IGF2BP2: variants seen among roughly 807,000 people sequenced by gnomAD.
IGF2BP2 encodes the protein insulin like growth factor 2 mRNA binding protein 2.
In IGF2BP2, 17 loss-of-function variants were observed where a neutral mutation model predicts 75.8. That is an observed-to-expected ratio of 0.22 (90% CI 0.15 to 0.34). The LOEUF is 0.34. Among genes scored for constraint, IGF2BP2 ranks in the 10% least tolerant of loss-of-function variants. The pLI is 1.00. For synonymous variants in IGF2BP2, 288 were observed against 295.6 expected, an observed-to-expected ratio of 0.97 and a Z score of 0.26; for missense variants, 516 against 772.4, an observed-to-expected ratio of 0.67 and a Z score of 3.93.
At chr3:185,709,858 C>T (rs1228041920) in intron 2 of IGF2BP2, among the ~76,000 whole-genome samples, 2 of 152,130 alleles carry the variant, frequency 1.3e-5, no homozygotes, top group East Asian at 3.9e-4. Context: ...AATCCAAACC[C>T]CCTCTACCCA....
At chr3:185,670,280 T>C (rs1718314250) in intron 10 of IGF2BP2, among the ~76,000 whole-genome samples, 1 of 152,186 alleles carries the variant, frequency 6.6e-6, no homozygotes, top group African/African-American at 2.4e-5. Context: ...TTAGAAAATA[T>C]TCTGCTATTA....
rs1220629803 is a variant in IGF2BP2 at position 185,811,876 on chromosome 3, CT to C, written c.239+11276del. Among the ~76,000 whole-genome samples the C allele has an allele frequency of 5.9e-4, 31 of 52,898 alleles. No individual in the cohort carries two copies. The East Asian group carries it at 7.7e-3, about 13-fold the overall frequency. The allele number at this position is 52,898 out of a possible 152,430, so 34.7% of individuals were successfully genotyped here. On this transcript the variant is annotated intron_variant, in intron 2 of 15. Coordinates refer to ENST00000382199, the MANE Select transcript of IGF2BP2 (RefSeq NM_006548.6). ...TCTCTCTCTCTCTCTCTCTCTCTCT[CT>C]CCCCCTCTCCCTGCCTGGGCATCAG...
intron 2 of IGF2BP2, among the ~76,000 whole-genome samples, chr3:185,752,203 T>C (rs1731058990): frequency 6.6e-6 from 1 of 152,096 alleles, no homozygotes; most frequent in Admixed American, 6.5e-5. Context: ...ACATGTTATG[T>C]CTACTTAGGG....
At chr3:185,701,079 CT>C (rs1723228309) in intron 2 of IGF2BP2, among the ~76,000 whole-genome samples, 1 of 151,964 alleles carries the variant, frequency 6.6e-6, no homozygotes, top group Non-Finnish European at 1.5e-5. Flanking sequence ...TAGCTACTAA[CT>C]TTTTTATATT....
At position 185,643,857 on chromosome 3, in the gene IGF2BP2, G is replaced by A. The variant is rs1325073050; in HGVS notation, c.*1674C>T. On this transcript the variant is annotated 3_prime_UTR_variant, in exon 16 of 16. Coordinates refer to ENST00000382199, the MANE Select transcript of IGF2BP2 (RefSeq NM_006548.6). ...GGCATTGCAGTCTGGTGGTATAATG[G>A]CTTGTCCACATAAACCAGTACATGT... The A allele has an allele frequency of 6.8e-6, 1 of 147,128 alleles. No homozygotes were observed. Among genetic ancestry groups the A allele is most frequent in the Non-Finnish European group, 1.5e-5 (1 of 67,290 alleles). The allele number at this position is 147,128 out of a possible 1,614,324, so 9.1% of individuals were successfully genotyped here.
At position 185,770,289 on chromosome 3, in the gene IGF2BP2, G is replaced by A. The variant is rs540489647; in HGVS notation, c.239+52864C>T. 1.6e-4 allele frequency among the ~76,000 whole-genome samples: 24 copies of A among 152,280 alleles called. No individual in the cohort carries two copies. In the South Asian group the frequency reaches 3.5e-3, roughly 22 times the overall value. ...GACTCAGGACTGGTCGAGCAGGACC[G>A]GCCAACCCGAGGGAGCATATCTGGT... On this transcript the variant is annotated intron_variant, in intron 2 of 15. Transcript: ENST00000382199.
At chr3:185,665,470 A>G (rs1380076433) in intron 10 of IGF2BP2, among the ~76,000 whole-genome samples, 710 of 63,772 alleles carry the variant, frequency 0.011, 11 homozygotes, top group Non-Finnish European at 0.014. Context: ...GAAGAAGAAG[A>G]AGAAGGAGAA....
chr3:185,696,813 A>C, intron 3 of IGF2BP2, 150 bp from the exon 4 acceptor site: 1 of 691,878 alleles, frequency 1.4e-6, no homozygotes, highest in Admixed American at 2.6e-5. Flanking sequence ...GTCTTCCATA[A>C]AAACAGTTAG....
chr3:185,811,306 A>G (rs1010569619), intron 2 of IGF2BP2, among the ~76,000 whole-genome samples: 1 of 152,236 alleles, frequency 6.6e-6, no homozygotes, highest in Admixed American at 6.5e-5. Context: ...CTGCCTATCA[A>G]GAAAAGGACT....
intron 2 of IGF2BP2, among the ~76,000 whole-genome samples, chr3:185,724,178 C>T (rs896299870): frequency 5.3e-5 from 8 of 152,122 alleles, no homozygotes; most frequent in Non-Finnish European, 1.0e-4. Context: ...CAAAATTGCC[C>T]GGCTAAGATC....
intron 9 of IGF2BP2, 95 bp downstream of exon 9, chr3:185,675,201 C>A: frequency 7.8e-7 from 1 of 1,287,310 alleles, no homozygotes; most frequent in East Asian, 2.5e-5. Context: ...AGGAAAAACT[C>A]TGCATACCTA....
At chr3:185,812,622 TA>T (rs1740052302) in intron 2 of IGF2BP2, among the ~76,000 whole-genome samples, 1 of 152,204 alleles carries the variant, frequency 6.6e-6, no homozygotes, top group African/African-American at 2.4e-5. Flanking sequence ...TTACACACTG[TA>T]GGGTGGGTGC....
At chr3:185,810,504 T>C (rs1318513456) in intron 2 of IGF2BP2, among the ~76,000 whole-genome samples, 1 of 152,236 alleles carries the variant, frequency 6.6e-6, no homozygotes, top group Non-Finnish European at 1.5e-5. Flanking sequence ...CCAGGTGCAA[T>C]GGCTCATGCC....
chr3:185,699,765 T>A (rs997697234), intron 2 of IGF2BP2, among the ~76,000 whole-genome samples: 1 of 152,224 alleles, frequency 6.6e-6, no homozygotes, highest in African/African-American at 2.4e-5. Flanking sequence ...CATAACTACA[T>A]AGGTATCCTG....
intron 13 of IGF2BP2, 25 bp downstream of exon 13, chr3:185,652,069 G>A (rs765893382): frequency 5.0e-6 from 8 of 1,597,586 alleles, no homozygotes; most frequent in Non-Finnish European, 6.8e-6. Flanking sequence ...GAGCCTGCAG[G>A]GCTGAGGTGT....
rs555749935 is a variant in IGF2BP2, at chr3:185,741,879, G to T, written c.240-43532C>A. Reference sequence around the variant, plus strand: ...TTCTACTGGAACTAGAATTTGCCTTGAATGTAGAAAGAAGGCAATGGCACT... The same window carrying T: ...TTCTACTGGAACTAGAATTTGCCTTTAATGTAGAAAGAAGGCAATGGCACT... On this transcript the variant is annotated intron_variant, in intron 2 of 15. Transcript: ENST00000382199. Among the ~76,000 whole-genome samples, 34 of 139,094 alleles carry T rather than the reference G, an allele frequency of 2.4e-4. No homozygotes were observed. The South Asian group carries it at 7.3e-3, about 30-fold the overall frequency. The allele number at this position is 139,094 out of a possible 152,430, so 91.3% of individuals were successfully genotyped here. A position where few individuals can be genotyped will look rare whatever the true frequency, so the allele number is the denominator to read the frequency against.
chr3:185,816,511 T>A (rs1407295715), intron 2 of IGF2BP2, among the ~76,000 whole-genome samples: 2 of 152,184 alleles, frequency 1.3e-5, no homozygotes, highest in Non-Finnish European at 2.9e-5. Flanking sequence ...CTTCGAACTT[T>A]ACAACACATT....
intron 2 of IGF2BP2, among the ~76,000 whole-genome samples, chr3:185,759,532 T>C (rs1732075845): frequency 6.6e-6 from 1 of 152,204 alleles, no homozygotes; most frequent in Non-Finnish European, 1.5e-5. Flanking sequence ...AGGGCGAAAC[T>C]ACGCTTAAGA....
chr3:185,750,029 C>G (rs1560408301), intron 2 of IGF2BP2, among the ~76,000 whole-genome samples: 1 of 152,206 alleles, frequency 6.6e-6, no homozygotes, highest in Non-Finnish European at 1.5e-5. Context: ...CTTTAGCACA[C>G]TTAAGAAGTC....
Sources: allele counts gnomAD v4.1 joint callset (sites outside exome capture counted in the v4.1 genomes callset), GRCh38; gene constraint gnomAD v4.1.1; transcripts MANE v1.5; gene names NCBI Gene and HGNC (gene_info 2026-07-23, HGNC 2026-07-21).